The following GBX1 variants were observed in gnomAD, a reference collection of about 807,000 sequenced individuals.
GBX1 encodes the protein gastrulation brain homeobox 1.
Under a neutral mutation model 22.9 loss-of-function variants are expected in GBX1, and 9 were observed. The ratio of observed to expected loss-of-function variants is 0.39; its 90% CI spans 0.24 to 0.69. GBX1 has a LOEUF of 0.69. GBX1 is among the 30% of genes least tolerant of loss of function. GBX1 has a pLI of 0.43. For missense variants in GBX1, 494 were observed against 509.2 expected (o/e 0.97, Z 0.29); for synonymous variants, 203 against 227.3 (o/e 0.89, Z 0.96).
chr7:151,155,814 C>A (rs1250161401), intron 1 of GBX1, among the ~76,000 whole-genome samples: 2 of 152,156 alleles, frequency 1.3e-5, no homozygotes, highest in East Asian at 3.8e-4. Context: ...TAGAGCAGAT[C>A]TATTATTAGT....
In GBX1 at chr7:151,167,369, C is replaced by A. The variant is rs1159296666; in HGVS notation, c.180G>T (p.Ala60=). 2.6e-6 allele frequency: 4 copies of A among 1,510,288 alleles called. No individual in the cohort carries two copies. In the Admixed American group the frequency reaches 8.8e-5, roughly 33 times the overall value. The allele number at this position is 1,510,288 out of a possible 1,614,324, so 93.6% of individuals were successfully genotyped here. ...MPYRPLVLPQ[A]LAPAPLPAGL... is the part of the protein sequence containing the mutation. Reference sequence around the variant, plus strand: ...CAGCGGGCAGCGGCGCAGGGGCCAGCGCCTGCGGCAGCACGAGCGGCCGGT... The same window carrying A: ...CAGCGGGCAGCGGCGCAGGGGCCAGAGCCTGCGGCAGCACGAGCGGCCGGT... The change falls in exon 1 of 2, where the codon GCG becomes GCT. Residue 60 remains alanine (A), a synonymous_variant. Transcript: ENST00000297537. The surrounding 1 kb of genome is among the most constrained non-coding windows in gnomAD (Gnocchi z 5.9).
At chr7:151,158,233 C>T (rs995572707) in intron 1 of GBX1, among the ~76,000 whole-genome samples, 1 of 152,188 alleles carries the variant, frequency 6.6e-6, no homozygotes, top group African/African-American at 2.4e-5. Flanking sequence ...ACTCCCACAA[C>T]TCTCCCATCC....
intron 1 of GBX1, among the ~76,000 whole-genome samples, chr7:151,152,806 A>G (rs1584802005): frequency 1.3e-5 from 2 of 152,220 alleles, no homozygotes; most frequent in Admixed American, 6.5e-5. Flanking sequence ...TTTTAAAGCC[A>G]TACAAGGAGC....
chr7:151,148,579 G>T lies in GBX1; in HGVS notation c.*10C>A. On this transcript the variant is annotated 3_prime_UTR_variant, in exon 2 of 2. Transcript: ENST00000297537. This position sits in a 1 kb window ranked among gnomAD's most constrained non-coding sequence, Gnocchi z 5.1. ...AGATCCCTCGCCTTCCTAAGTTCTT[G>T]GGTGCCCATTCAGGGCCGGGCCCCC... The T allele has an allele frequency of 1.2e-6, 2 of 1,610,592 alleles. No homozygotes were observed. Among genetic ancestry groups the T allele is most frequent in the South Asian group, 1.1e-5 (1 of 90,842 alleles).
chr7:151,154,370 G>GA (rs1226701907), intron 1 of GBX1, among the ~76,000 whole-genome samples: 1 of 152,180 alleles, frequency 6.6e-6, no homozygotes, highest in Non-Finnish European at 1.5e-5. Flanking sequence ...ATTCTGATGA[G>GA]AATACTTCAG....
chr7:151,157,822 T>C (rs1320322835), intron 1 of GBX1, among the ~76,000 whole-genome samples: 1 of 152,118 alleles, frequency 6.6e-6, no homozygotes, highest in Non-Finnish European at 1.5e-5. Context: ...CTCCCTGGAG[T>C]CATGATTCAA....
intron 1 of GBX1, among the ~76,000 whole-genome samples, chr7:151,155,130 C>A (rs548896803): frequency 6.6e-6 from 1 of 152,222 alleles, no homozygotes. Context: ...CTTCTCTCTA[C>A]TTCAAAAACA....
Position 151,167,688 on chromosome 7 carries a change from G to T in GBX1, c.-140C>A. On this transcript the variant is annotated 5_prime_UTR_variant, in exon 1 of 2. Transcript: ENST00000297537. This position sits in a 1 kb window ranked among gnomAD's most constrained non-coding sequence, Gnocchi z 5.9. Reference sequence around the variant, plus strand: ...GGTGGCGGCGGGGCGCGGGCTCGGCGCAGTGTGGCTCCGGCGCCGCGCTCC... The same window carrying T: ...GGTGGCGGCGGGGCGCGGGCTCGGCTCAGTGTGGCTCCGGCGCCGCGCTCC... 2 of 866,376 alleles carry T rather than the reference G, an allele frequency of 2.3e-6. No individual in the cohort carries two copies. The highest frequency in any genetic ancestry group is 4.9e-4 in the Middle Eastern group (1 of 2,026). The allele number at this position is 866,376 out of a possible 1,614,324, so 53.7% of individuals were successfully genotyped here. A position where few individuals can be genotyped will look rare whatever the true frequency, so the allele number is the denominator to read the frequency against.
chr7:151,163,132 C>T (rs908884852), intron 1 of GBX1, among the ~76,000 whole-genome samples: 2 of 152,036 alleles, frequency 1.3e-5, no homozygotes, highest in African/African-American at 2.4e-5. Context: ...ATTCACGGCT[C>T]TTTTCATCAT....
At position 151,167,222 on chromosome 7, in the gene GBX1, C is replaced by A; in HGVS notation, c.327G>T (p.Ala109=). The A allele has an allele frequency of 6.4e-7, 1 of 1,557,818 alleles. No individual in the cohort carries two copies. Among genetic ancestry groups the A allele is most frequent in the Non-Finnish European group, 8.7e-7 (1 of 1,153,740 alleles). ...GCCCGTAGAAAGCGTCGGGCGGCTC[C>A]GCGAAGCTGGGCAGCGCGGTGGTCA... The part of the protein sequence containing the change: ...VALTTALPSF[A]EPPDAFYGPQ... The change falls in exon 1 of 2, where the codon GCG becomes GCT. Residue 109 remains alanine, a synonymous_variant. Transcript: ENST00000297537. This position sits in a 1 kb window ranked among gnomAD's most constrained non-coding sequence, Gnocchi z 5.9.
At chr7:151,162,694 G>A (rs370200224) in intron 1 of GBX1, among the ~76,000 whole-genome samples, 5 of 151,904 alleles carry the variant, frequency 3.3e-5, no homozygotes, top group African/African-American at 1.2e-4. Flanking sequence ...TATATATGGA[G>A]TAGCTACCAT....
intron 1 of GBX1, among the ~76,000 whole-genome samples, chr7:151,155,394 C>A (rs1280597390): frequency 6.6e-6 from 1 of 152,186 alleles, no homozygotes; most frequent in Non-Finnish European, 1.5e-5. Context: ...TTTCTCTGTT[C>A]TTTTCAAAAA....
intron 1 of GBX1, among the ~76,000 whole-genome samples, chr7:151,158,005 G>A (rs1191483478): frequency 6.6e-6 from 1 of 152,206 alleles, no homozygotes; most frequent in African/African-American, 2.4e-5. Flanking sequence ...GACAGAGAGA[G>A]GAGCCAGGTT....
In GBX1 at chr7:151,167,489, GC is replaced by G. The variant is rs1270817419; in HGVS notation, c.59del (p.Gly20AlafsTer11). 5 of 1,486,680 alleles carry G rather than the reference GC, an allele frequency of 3.4e-6. No homozygotes were observed. The highest frequency in any genetic ancestry group is 4.7e-5 in the Admixed American group (2 of 42,488). 92.1% of individuals were successfully genotyped at this position (1,486,680 alleles called of 1,614,324 possible). ...AGTCGATGGAGAAGGCAGTGCCCGGGCCCCCGCCGCCGCCCCCGCCGTTGCC... is the reference window on the plus strand; with the variant it reads ...AGTCGATGGAGAAGGCAGTGCCCGGGCCCCGCCGCCGCCCCCGCCGTTGCC... ...PGGNGGGGGG[G>X]PGTAFSIDSL... On this transcript the variant is annotated frameshift_variant, in exon 1 of 2. Transcript: ENST00000297537. LOFTEE classifies it high-confidence loss of function. The surrounding 1 kb of genome is among the most constrained non-coding windows in gnomAD (Gnocchi z 5.9).
intron 1 of GBX1, among the ~76,000 whole-genome samples, chr7:151,152,402 T>C (rs1801090453): frequency 6.6e-6 from 1 of 152,264 alleles, no homozygotes; most frequent in Admixed American, 6.5e-5. Context: ...AGTAGGAATC[T>C]ATAGGATCTT....
intron 1 of GBX1, among the ~76,000 whole-genome samples, chr7:151,151,565 A>T (rs1293229660): frequency 6.6e-6 from 1 of 152,090 alleles, no homozygotes; most frequent in African/African-American, 2.4e-5. Flanking sequence ...TCTCATCTTT[A>T]TCCACATCAT....
Position 151,167,208 on chromosome 7 carries a change from G to T in GBX1, c.341C>A (p.Ala114Asp), listed in dbSNP as rs929717240. The T allele has an allele frequency of 3.2e-6, 5 of 1,562,566 alleles. No individual in the cohort carries two copies. ...GGCGAGCTCCTGGGGCCCGTAGAAA[G>T]CGTCGGGCGGCTCCGCGAAGCTGGG... ...ALPSFAEPPD[A>D]FYGPQELAAA... The change falls in exon 1 of 2, where the codon GCT (alanine) becomes GAT (aspartate). Residue 114 changes from alanine (A) to aspartate (D), a missense_variant. Coordinates refer to ENST00000297537, the MANE Select transcript of GBX1 (RefSeq NM_001098834.3). The surrounding 1 kb of genome is among the most constrained non-coding windows in gnomAD (Gnocchi z 5.9).
At chr7:151,156,558 C>A (rs924987739) in intron 1 of GBX1, among the ~76,000 whole-genome samples, 1 of 152,136 alleles carries the variant, frequency 6.6e-6, no homozygotes, top group Non-Finnish European at 1.5e-5. Flanking sequence ...ACTCACCAAA[C>A]TTCACCTGTC....
chr7:151,157,408 G>C (rs1429114880), intron 1 of GBX1, among the ~76,000 whole-genome samples: 2 of 152,186 alleles, frequency 1.3e-5, no homozygotes, highest in Non-Finnish European at 2.9e-5. Context: ...AGAGCAAACA[G>C]AAAGCCTCAC....
Sources: allele counts gnomAD v4.1 joint callset (sites outside exome capture counted in the v4.1 genomes callset), GRCh38; gene constraint gnomAD v4.1.1; non-coding constraint Gnocchi (gnomAD v3.1); transcripts MANE v1.5; gene names NCBI Gene and HGNC (gene_info 2026-07-23, HGNC 2026-07-21).